The following SZT2 variants were observed in gnomAD, a reference collection of about 807,000 sequenced individuals.
The protein encoded by SZT2 is SZT2 subunit of KICSTOR complex, also known as KICSTOR complex protein SZT2.
In SZT2, 216 loss-of-function variants were observed where a neutral mutation model predicts 404.2. That is an observed-to-expected ratio of 0.53 (90% confidence interval 0.48 to 0.60). The LOEUF (loss-of-function observed/expected upper bound fraction) is 0.60. Among genes scored for constraint, SZT2 ranks in the 20% least tolerant of loss-of-function variants. SZT2 has a pLI of 0.00. For synonymous variants in SZT2, 1,693 were observed against 1,749.9 expected, an observed-to-expected ratio of 0.97 and a Z score of 0.81; for missense variants, 3,857 against 4,459.2, an observed-to-expected ratio of 0.86 and a Z score of 3.85.
chr1:43,418,990 A>T (rs1209992641), intron 7 of SZT2, among the ~76,000 whole-genome samples: 2 of 152,238 alleles, frequency 1.3e-5, no homozygotes, highest in Admixed American at 6.5e-5. Flanking sequence ...GGAATAGAGT[A>T]AGTTACTGGA....
chr1:43,424,965 G>T lies in SZT2; in HGVS notation c.2550+103G>T. On this transcript the variant is annotated intron_variant, in intron 17 of 71. Transcript: ENST00000634258. The surrounding 1 kb of genome is among the most constrained non-coding windows in gnomAD (Gnocchi z 4.1). ...GGACTGCTGGAAACTGCCTCACAGG[G>T]ACCCTGTGGCCAGAGGATGCTCAAG... 1 of 1,494,812 alleles carries T rather than the reference G, an allele frequency of 6.7e-7. No homozygotes were observed. Among genetic ancestry groups the T allele is most frequent in the Admixed American group, 1.7e-5 (1 of 59,214 alleles). 92.6% of individuals were successfully genotyped at this position (1,494,812 alleles called of 1,614,324 possible). A position where few individuals can be genotyped will look rare whatever the true frequency, so the allele number is the denominator to read the frequency against.
intron 63 of SZT2, 77 bp downstream of exon 63, chr1:43,446,061 T>C: frequency 1.3e-6 from 2 of 1,583,306 alleles, no homozygotes; most frequent in Non-Finnish European, 1.7e-6. Context: ...CCCTGAGTGA[T>C]GTACCGAGGT....
intron 4 of SZT2, among the ~76,000 whole-genome samples, chr1:43,407,716 T>TA (rs1650486816): frequency 6.7e-6 from 1 of 149,690 alleles, no homozygotes; most frequent in Non-Finnish European, 1.5e-5. Context: ...ATTTGAAAAA[T>TA]ACATTAAAAT....
intron 1 of SZT2, chr1:43,394,184 T>C: frequency 1.6e-6 from 1 of 623,544 alleles, no homozygotes; most frequent in Non-Finnish European, 2.0e-6. Context: ...TGTTAGAATG[T>C]AGATTCTGGA....
In SZT2 at chr1:43,420,253, C is replaced by T. The variant is rs772072313; in HGVS notation, c.1191C>T (p.Ala397=). 5.7e-5 allele frequency: 91 copies of T among 1,598,308 alleles called. No homozygotes were observed. The highest frequency in any genetic ancestry group is 3.3e-4 in the Admixed American group (20 of 59,992). Residue 397 remains alanine (A), a synonymous_variant, in exon 9 of 72, where the codon GCC becomes GCT. Transcript: ENST00000634258. This position sits in a 1 kb window ranked among gnomAD's most constrained non-coding sequence, Gnocchi z 5.1. ...AGCACACTGAGAAGGAGGTGCCAGCCGACTTGGTCAGCACTGTGTCCGTAC... is the reference window on the plus strand; with the variant it reads ...AGCACACTGAGAAGGAGGTGCCAGCTGACTTGGTCAGCACTGTGTCCGTAC... The part of the protein sequence containing the change: ...RKKHTEKEVP[A]DLVSTVSVRL...
Position 43,443,276 on chromosome 1 carries a change from C to A in SZT2, c.8499+9C>A, listed in dbSNP as rs751522553. 1.9e-6 allele frequency: 3 copies of A among 1,614,054 alleles called. No individual in the cohort carries two copies. The highest frequency in any genetic ancestry group is 2.5e-6 in the Non-Finnish European group (3 of 1,180,018). On this transcript the variant is annotated intron_variant, in intron 60 of 71. Coordinates refer to ENST00000634258, the MANE Select transcript of SZT2 (RefSeq NM_001365999.1). Reference sequence around the variant, plus strand: ...CCACCATGCCCATCAGTGTGAGTGACCCCAGCTTGCATCTTCCTTGAGTAT... The same window carrying A: ...CCACCATGCCCATCAGTGTGAGTGAACCCAGCTTGCATCTTCCTTGAGTAT...
In SZT2 at chr1:43,432,444, G is replaced by A. The variant is rs1292998622; in HGVS notation, c.5442+5G>A. 1 of 1,558,776 alleles carries A rather than the reference G, an allele frequency of 6.4e-7. No homozygotes were observed. Among genetic ancestry groups the A allele is most frequent in the African/African-American group, 1.4e-5 (1 of 72,656 alleles). On this transcript the variant is annotated splice_donor_5th_base_variant and intron_variant, in intron 37 of 71. Transcript: ENST00000634258. ...GCTGAAGGCATCGAAGGGGAGGTGA[G>A]TCTCACCTGGGAATGGAGGGGGGTG...
chr1:43,443,456 C>T lies in SZT2; in HGVS notation c.8604C>T (p.Thr2868=). Residue 2868 remains threonine, a synonymous_variant, in exon 61 of 72, where the codon ACC becomes ACT. Coordinates refer to ENST00000634258, the MANE Select transcript of SZT2 (RefSeq NM_001365999.1). The part of the protein sequence containing the change: ...PAAWLHGPPE[T]SGPPDGQRRH... ...CCTGGCTGCATGGGCCCCCAGAGAC[C>T]TCTGGACCCCCTGACGGGCAGGTAA... The T allele has an allele frequency of 1.2e-6, 2 of 1,614,212 alleles. No homozygotes were observed. Among genetic ancestry groups the T allele is most frequent in the Non-Finnish European group, 1.7e-6 (2 of 1,180,030 alleles).
Position 43,430,974 on chromosome 1 carries a change from C to T in SZT2, c.4800C>T (p.Gly1600=), listed in dbSNP as rs370795743. The change falls in exon 33 of 72, where the codon GGC becomes GGT. Residue 1600 remains glycine, a synonymous_variant. Transcript: ENST00000634258. ...GCCAGGTGCTTTCCAGTCTGGAGGG[C>T]CCCCCAGTTGGAGGCCGAGTTCCCT... The part of the protein sequence containing the change: ...CLGQVLSSLE[G]PPVGGRVPLR... 1 of 1,613,560 alleles carries T rather than the reference C, an allele frequency of 6.2e-7. No individual in the cohort carries two copies. Among genetic ancestry groups the T allele is most frequent in the Non-Finnish European group, 8.5e-7 (1 of 1,179,830 alleles).
At chr1:43,414,715 T>G (rs1382719567) in intron 4 of SZT2, among the ~76,000 whole-genome samples, 1 of 152,032 alleles carries the variant, frequency 6.6e-6, no homozygotes, top group Non-Finnish European at 1.5e-5. Flanking sequence ...AGTATGAGAA[T>G]AAAAAAGGCT....
intron 4 of SZT2, among the ~76,000 whole-genome samples, chr1:43,407,193 T>C (rs1486765784): frequency 6.6e-6 from 1 of 152,132 alleles, no homozygotes; most frequent in Non-Finnish European, 1.5e-5. Flanking sequence ...CCTTTTCATT[T>C]TCTCTGTGGC....
chr1:43,440,920 T>C (rs1654994237), intron 52 of SZT2, among the ~76,000 whole-genome samples: 1 of 152,252 alleles, frequency 6.6e-6, no homozygotes, highest in African/African-American at 2.4e-5. Flanking sequence ...GTTTGTAGAA[T>C]GTGGCAGTTC....
intron 66 of SZT2, 126 bp downstream of exon 66, chr1:43,447,294 A>C: frequency 8.5e-7 from 1 of 1,174,700 alleles, no homozygotes; most frequent in Admixed American, 2.2e-5. Flanking sequence ...CATGTCACAC[A>C]TACCACGTCC....
At chr1:43,436,828 CAT>C (rs1654503217) in intron 42 of SZT2, 2 of 279,252 alleles carry the variant, frequency 7.2e-6, no homozygotes, top group South Asian at 1.4e-4. Context: ...CCCTGGAGGA[CAT>C]AGTGTTAGAG....
rs1159385146 is a variant in SZT2 at position 43,453,051 on chromosome 1, TC to T, written c.*2573del. On this transcript the variant is annotated 3_prime_UTR_variant, in exon 72 of 72. Transcript: ENST00000634258. ...ACTACCTGTAAGCAGCTTTCTCTGA[TC>T]CAGACAGGGTTAGGTGCCTACCCTG... 2.5e-6 allele frequency: 3 copies of T among 1,214,452 alleles called. No homozygotes were observed. In the African/African-American group the frequency reaches 4.5e-5, roughly 18 times the overall value. 75.2% of individuals were successfully genotyped at this position (1,214,452 alleles called of 1,614,324 possible). A position where few individuals can be genotyped will look rare whatever the true frequency, so the allele number is the denominator to read the frequency against.
Position 43,441,733 on chromosome 1 carries a change from C to CTCCT in SZT2, c.7661_7664dup (p.Leu2558HisfsTer4). The CTCCT allele has an allele frequency of 6.2e-7, 1 of 1,614,200 alleles. No homozygotes were observed. The highest frequency in any genetic ancestry group is 8.5e-7 in the Non-Finnish European group (1 of 1,180,032). On this transcript the variant is annotated frameshift_variant, in exon 55 of 72. Coordinates refer to ENST00000634258, the MANE Select transcript of SZT2 (RefSeq NM_001365999.1). LOFTEE classifies it high-confidence loss of function. This position sits in a 1 kb window ranked among gnomAD's most constrained non-coding sequence, Gnocchi z 4.8. ...CTCTGCCCACATGGTGTCCCGGTTCCTCCTTCCATCCATCCTGTCTGAGTT... is the reference window on the plus strand; with the variant it reads ...CTCTGCCCACATGGTGTCCCGGTTCCTCCTTCCTTCCATCCATCCTGTCTGAGTT...
At chr1:43,390,889 A>G (rs923006447) in intron 1 of SZT2, among the ~76,000 whole-genome samples, 4 of 152,258 alleles carry the variant, frequency 2.6e-5, no homozygotes, top group African/African-American at 4.8e-5. Flanking sequence ...AATAGTATTC[A>G]TTACTGCATA....
intron 12 of SZT2, 96 bp downstream of exon 12, chr1:43,422,321 C>T: frequency 6.7e-7 from 1 of 1,493,150 alleles, no homozygotes; most frequent in East Asian, 2.3e-5. Flanking sequence ...GAGCTCTTAC[C>T]AACTGTGGCC....
intron 1 of SZT2, among the ~76,000 whole-genome samples, chr1:43,395,138 C>T (rs1365895914): frequency 6.6e-6 from 1 of 152,204 alleles, no homozygotes; most frequent in East Asian, 1.9e-4. Flanking sequence ...GGCCTACTAA[C>T]TGGTAATTGG....
Sources: allele counts gnomAD v4.1 joint callset (sites outside exome capture counted in the v4.1 genomes callset), GRCh38; gene constraint gnomAD v4.1.1; non-coding constraint Gnocchi (gnomAD v3.1); transcripts MANE v1.5; gene names NCBI Gene and HGNC (gene_info 2026-07-23, HGNC 2026-07-21).